Variants in GRIPAP1 observed in about 807,000 individuals in gnomAD.
GRIPAP1 encodes GRIP1-associated protein 1.
Under a neutral mutation model 84.1 loss-of-function variants are expected in GRIPAP1, and 14 were observed. That is an observed-to-expected ratio of 0.17 (90% CI 0.11 to 0.26). The LOEUF is 0.26. Among genes scored for constraint, GRIPAP1 ranks in the 10% least tolerant of loss-of-function variants. The pLI is 1.00. For synonymous variants in GRIPAP1, 261 were observed against 256.8 expected (o/e 1.02, Z -0.15); for missense variants, 518 against 674.2 (o/e 0.77, Z 2.57).
chrX:48,998,561 G>A (rs1433253880), intron 3 of GRIPAP1, among the ~76,000 whole-genome samples: 2 of 111,637 alleles, frequency 1.8e-5, no homozygotes, highest in African/African-American at 6.5e-5. Flanking sequence ...TGTCTCTGTG[G>A]GTCCCTCCCA....
chrX:48,990,673 A>G lies in GRIPAP1; in HGVS notation c.690+12T>C, dbSNP rs2064514992. 8.4e-7 allele frequency: 1 copy of G among 1,188,986 alleles called. No individual in the cohort carries two copies. The highest frequency in any genetic ancestry group is 1.8e-5 in the African/African-American group (1 of 56,586). On this transcript the variant is annotated intron_variant, in intron 8 of 25. Transcript: ENST00000376423. Reference sequence around the variant, plus strand: ...ATTGGGAGCAGAATGGGAAAGAGCCAAGCAGCCGCACCTTAGCAAGTTCCT... The same window carrying G: ...ATTGGGAGCAGAATGGGAAAGAGCCGAGCAGCCGCACCTTAGCAAGTTCCT...
At chrX:48,984,714 C>CAAA (rs782364425) in intron 14 of GRIPAP1, among the ~76,000 whole-genome samples, 8 of 15,843 alleles carry the variant, frequency 5.0e-4, no homozygotes, top group Admixed American at 1.1e-3. Context: ...GACTCCATCT[C>CAAA]AAAAAAAAAA....
chrX:48,983,780 G>A lies in GRIPAP1; in HGVS notation c.1267C>T (p.Arg423Trp), dbSNP rs782388874. The change falls in exon 15 of 26, where the codon CGG (arginine) becomes TGG (tryptophan). Residue 423 changes from arginine to tryptophan, a missense_variant. This residue lies in a region of GRIPAP1 where 372 missense variants were observed against 458.1 expected (regional missense o/e 0.81). Coordinates refer to ENST00000376423, the MANE Select transcript of GRIPAP1 (RefSeq NM_020137.5). ...EQLTQELQEA[R>W]KSAEKRKAML... ...CAACCCTCATGTTCCCCTACCTTCC[G>A]AGCCTCCTGTAATTCCTGGGTCAAC... is the stretch of plus-strand genomic sequence containing the variant. The A allele has an allele frequency of 1.7e-6, 2 of 1,147,187 alleles. No individual in the cohort carries two copies. Among genetic ancestry groups the A allele is most frequent in the Non-Finnish European group, 2.4e-6 (2 of 838,536 alleles). 94.5% of individuals were successfully genotyped at this position (1,147,187 alleles called of 1,213,427 possible).
At chrX:48,999,717 C>G (rs1557067918) in intron 1 of GRIPAP1, among the ~76,000 whole-genome samples, 1 of 110,822 alleles carries the variant, frequency 9.0e-6, no homozygotes, top group East Asian at 2.9e-4. Flanking sequence ...CCCCAGCCAG[C>G]CTCACCCCTC....
At chrX:48,978,142 C>T (rs1001411510) in intron 22 of GRIPAP1, 163 bp downstream of exon 22, 21 of 481,582 alleles carry the variant, frequency 4.4e-5, no homozygotes, top group East Asian at 7.6e-5. Context: ...TCCTGCATGT[C>T]GCAATCTGAA....
At chrX:48,980,276 G>A (rs1421439196) in intron 21 of GRIPAP1, among the ~76,000 whole-genome samples, 1 of 105,641 alleles carries the variant, frequency 9.5e-6, no homozygotes, top group Non-Finnish European at 1.9e-5. Flanking sequence ...TCTTCTGCTT[G>A]AAGTGGCAGA....
intron 15 of GRIPAP1, 113 bp from the exon 16 acceptor site, chrX:48,983,553 T>G: frequency 1.6e-6 from 1 of 620,973 alleles, no homozygotes. Context: ...CCATCCCCAC[T>G]GAACTGGCTA....
intron 23 of GRIPAP1, 43 bp downstream of exon 23, chrX:48,976,198 G>A: frequency 8.5e-7 from 1 of 1,182,043 alleles, no homozygotes; most frequent in Non-Finnish European, 1.1e-6. Flanking sequence ...CACCCACAAG[G>A]GCACTTCAAG....
intron 21 of GRIPAP1, among the ~76,000 whole-genome samples, chrX:48,980,336 CTATG>C (rs1557061728): frequency 9.2e-6 from 1 of 108,896 alleles, no homozygotes. Flanking sequence ...GCGTTGCTGA[CTATG>C]TATAAGTCTG....
At chrX:48,994,814 T>TG (rs1557066420) in intron 5 of GRIPAP1, among the ~76,000 whole-genome samples, 1 of 112,046 alleles carries the variant, frequency 8.9e-6, no homozygotes, top group Non-Finnish European at 1.9e-5. Flanking sequence ...TCCCTGGAAC[T>TG]CAGTTTTCCT....
At chrX:48,982,696 A>G (rs1271244768) in intron 17 of GRIPAP1, among the ~76,000 whole-genome samples, 1 of 112,509 alleles carries the variant, frequency 8.9e-6, no homozygotes, top group Non-Finnish European at 1.9e-5. Context: ...CAATAACATC[A>G]GTGTATTGCA....
chrX:48,995,659 A>C (rs1444584212), intron 5 of GRIPAP1, among the ~76,000 whole-genome samples: 2 of 110,604 alleles, frequency 1.8e-5, no homozygotes, highest in East Asian at 2.8e-4. Flanking sequence ...GCAGTGGTGC[A>C]ATCTTGGCTC....
chrX:49,000,058 C>T (rs914241925), intron 1 of GRIPAP1, among the ~76,000 whole-genome samples: 20 of 110,383 alleles, frequency 1.8e-4, no homozygotes, highest in African/African-American at 5.9e-4. Context: ...AAAATACATC[C>T]AGGCCCCCTT....
intron 13 of GRIPAP1, 46 bp downstream of exon 13, chrX:48,987,738 TG>T: frequency 1.3e-6 from 1 of 773,877 alleles, no homozygotes; most frequent in African/African-American, 2.1e-5. Flanking sequence ...CAGATGGAGA[TG>T]GGGGAACTGG....
rs1385199725 is a variant in GRIPAP1, at chrX:48,991,245, A to C, written c.458-135T>G. The stretch of plus-strand genomic sequence containing the variant: ...TGTGCCAAATGACCACATGCCTAAA[A>C]GACGAAGGTTCAGCTCTATCCATGC... On this transcript the variant is annotated intron_variant, in intron 6 of 25. Transcript: ENST00000376423. The C allele has an allele frequency of 8.2e-6, 4 of 490,393 alleles. No homozygotes were observed. In the African/African-American group the frequency reaches 9.5e-5, roughly 12 times the overall value. The allele number at this position is 490,393 out of a possible 1,213,427, so 40.4% of individuals were successfully genotyped here.
chrX:48,987,071 C>T (rs1201632683), intron 13 of GRIPAP1, among the ~76,000 whole-genome samples: 3 of 107,209 alleles, frequency 2.8e-5, no homozygotes, highest in East Asian at 2.9e-4. Flanking sequence ...TGGTCTCGAA[C>T]TCCTGACCTC....
intron 22 of GRIPAP1, 106 bp downstream of exon 22, chrX:48,978,199 C>T: frequency 1.1e-6 from 1 of 883,183 alleles, no homozygotes; most frequent in Non-Finnish European, 1.6e-6. Flanking sequence ...AATATGTGTG[C>T]TGCGCCCAAA....
intron 5 of GRIPAP1, among the ~76,000 whole-genome samples, chrX:48,996,652 T>G (rs920917583): frequency 1.8e-5 from 2 of 111,692 alleles, no homozygotes; most frequent in African/African-American, 6.5e-5. Flanking sequence ...TCAAAAAAAT[T>G]TGCTGCCATG....
At chrX:48,989,544 C>A in intron 11 of GRIPAP1, 67 bp downstream of exon 11, 2 of 741,136 alleles carry the variant, frequency 2.7e-6, no homozygotes, top group Non-Finnish European at 4.2e-6. Context: ...CTCCATGGAC[C>A]TCAGACCTCT....
Sources: allele counts gnomAD v4.1 joint callset (sites outside exome capture counted in the v4.1 genomes callset), GRCh38; gene constraint gnomAD v4.1.1; regional missense constraint gnomAD v4.1.1; transcripts MANE v1.5; gene names NCBI Gene and HGNC (gene_info 2026-07-23, HGNC 2026-07-21).